MARCHF11: variants seen among roughly 807,000 people sequenced by gnomAD.
MARCHF11 encodes membrane associated ring-CH-type finger 11, also known as E3 ubiquitin-protein ligase MARCHF11.
A neutral mutation model predicts 37.3 loss-of-function variants in MARCHF11; 29 were observed. The ratio of observed to expected loss-of-function variants is 0.78; its 90% confidence interval spans 0.58 to 1.06. The LOEUF (loss-of-function observed/expected upper bound fraction) is 1.06. MARCHF11 is among the 50% of genes least tolerant of loss of function. The probability of loss-of-function intolerance (pLI) is 0.00; values close to 1 mark genes in which losing one functional copy is unlikely to be tolerated. For missense variants in MARCHF11, 482 were observed against 533.4 expected, an observed-to-expected ratio of 0.90 and a Z score of 0.95; for synonymous variants, 233 against 228.0, an observed-to-expected ratio of 1.02 and a Z score of -0.20.
chr5:16,177,734 G>GC lies in MARCHF11; in HGVS notation c.684_685insG (p.Pro229AlafsTer13). 6.2e-7 allele frequency: 1 copy of GC among 1,601,832 alleles called. No individual in the cohort carries two copies. On this transcript the variant is annotated frameshift_variant, in exon 2 of 4. Coordinates refer to ENST00000332432, the MANE Select transcript of MARCHF11 (RefSeq NM_001102562.3). LOFTEE classifies it high-confidence loss of function. ...ATGTTGAAACTGCTTACCTGGCAAG[G>GC]TTGTTTCATTTTAATGGCTATAACA...
chr5:16,090,813 TC>T (rs1183388748), intron 3 of MARCHF11, 75 bp downstream of exon 3: 1 of 1,160,100 alleles, frequency 8.6e-7, no homozygotes, highest in East Asian at 2.7e-5. Flanking sequence ...CTCTATTAGA[TC>T]CGAATGGTGA....
intron 2 of MARCHF11, among the ~76,000 whole-genome samples, chr5:16,129,621 T>C (rs1000042274): frequency 6.6e-6 from 1 of 152,192 alleles, no homozygotes; most frequent in East Asian, 1.9e-4. Flanking sequence ...TTCAAACAAC[T>C]TGTTGGCTCA....
chr5:16,107,787 G>T (rs1351611312), intron 2 of MARCHF11, among the ~76,000 whole-genome samples: 1 of 152,016 alleles, frequency 6.6e-6, no homozygotes, highest in Non-Finnish European at 1.5e-5. Context: ...AGAATGGCGT[G>T]GCAGAGAAAC....
At chr5:16,155,289 C>T (rs779953959) in intron 2 of MARCHF11, among the ~76,000 whole-genome samples, 2 of 151,606 alleles carry the variant, frequency 1.3e-5, no homozygotes, top group African/African-American at 2.4e-5. Flanking sequence ...TTTTTCAAAC[C>T]TCTTAGAAGG....
intron 2 of MARCHF11, among the ~76,000 whole-genome samples, chr5:16,107,152 T>A (rs1050799093): frequency 6.6e-6 from 1 of 152,226 alleles, no homozygotes; most frequent in African/African-American, 2.4e-5. Flanking sequence ...AAAATGAAGA[T>A]GACAGTATCC....
chr5:16,099,035 T>C (rs954135812), intron 2 of MARCHF11, among the ~76,000 whole-genome samples: 1 of 152,168 alleles, frequency 6.6e-6, no homozygotes, highest in Non-Finnish European at 1.5e-5. Flanking sequence ...TTCTACTCTT[T>C]TGATGTACAC....
In MARCHF11 at chr5:16,163,446, A is replaced by C. The variant is rs1444590878; in HGVS notation, c.693+14280T>G. On this transcript the variant is annotated intron_variant, in intron 2 of 3. Coordinates refer to ENST00000332432, the MANE Select transcript of MARCHF11 (RefSeq NM_001102562.3). ...AATCTTAGACTGTGCTAAATTGATA[A>C]CATCACAATCAGAAAGCAATTCCTA... 4.6e-5 allele frequency among the ~76,000 whole-genome samples: 7 copies of C among 152,196 alleles called. No individual in the cohort carries two copies. The South Asian group carries it at 1.0e-3, about 23-fold the overall frequency.
At chr5:16,158,950 G>T (rs1445894623) in intron 2 of MARCHF11, among the ~76,000 whole-genome samples, 1 of 151,816 alleles carries the variant, frequency 6.6e-6, no homozygotes, top group Non-Finnish European at 1.5e-5. Flanking sequence ...GAAAATTGCT[G>T]AGAGTAGATT....
chr5:16,090,225 A>G (rs1736769419), intron 3 of MARCHF11, among the ~76,000 whole-genome samples: 1 of 152,220 alleles, frequency 6.6e-6, no homozygotes, highest in Non-Finnish European at 1.5e-5. Flanking sequence ...TAAATGCTGC[A>G]TGATTGGCTT....
At chr5:16,145,729 A>G (rs1045542790) in intron 2 of MARCHF11, among the ~76,000 whole-genome samples, 11 of 147,318 alleles carry the variant, frequency 7.5e-5, no homozygotes, top group African/African-American at 2.7e-4. Flanking sequence ...TCATTCCAGT[A>G]CAAGATTTTA....
intron 2 of MARCHF11, among the ~76,000 whole-genome samples, chr5:16,114,435 G>T (rs2126572580): frequency 6.6e-6 from 1 of 152,250 alleles, no homozygotes; most frequent in East Asian, 1.9e-4. Context: ...TGAAATTTTT[G>T]AGTTTCATTT....
intron 2 of MARCHF11, among the ~76,000 whole-genome samples, chr5:16,098,632 G>A (rs1736908305): frequency 6.6e-6 from 1 of 151,986 alleles, no homozygotes; most frequent in African/African-American, 2.4e-5. Context: ...GCCAGGTGTG[G>A]TGGCAGTCTC....
chr5:16,111,700 C>G (rs139538898), intron 2 of MARCHF11, among the ~76,000 whole-genome samples: 2 of 152,254 alleles, frequency 1.3e-5, no homozygotes, highest in East Asian at 1.9e-4. Context: ...TAACGAGGAG[C>G]CAAATGTTAA....
chr5:16,135,704 A>G (rs1737599122), intron 2 of MARCHF11, among the ~76,000 whole-genome samples: 1 of 152,198 alleles, frequency 6.6e-6, no homozygotes, highest in Non-Finnish European at 1.5e-5. Flanking sequence ...CTGAGAAAAT[A>G]CCAAAAAGTA....
chr5:16,071,722 TACAA>T (rs956710247), intron 3 of MARCHF11, among the ~76,000 whole-genome samples: 12 of 152,172 alleles, frequency 7.9e-5, no homozygotes, highest in African/African-American at 2.7e-4. Context: ...TATGATCAAA[TACAA>T]ACAAATTTTA....
intron 2 of MARCHF11, 91 bp from the exon 3 acceptor site, chr5:16,091,172 T>C: frequency 2.0e-6 from 2 of 1,009,176 alleles, no homozygotes. Context: ...CTTTTCATAA[T>C]GTTAGACCCT....
intron 2 of MARCHF11, among the ~76,000 whole-genome samples, chr5:16,131,927 T>C (rs1396925861): frequency 2.0e-5 from 3 of 152,216 alleles, no homozygotes. Context: ...GCAGGTGCTC[T>C]GTGGTAAAGT....
At chr5:16,079,364 C>T (rs905475342) in intron 3 of MARCHF11, among the ~76,000 whole-genome samples, 1 of 152,236 alleles carries the variant, frequency 6.6e-6, no homozygotes. Flanking sequence ...GCACCACCTT[C>T]TTTCTGGCTT....
intron 2 of MARCHF11, among the ~76,000 whole-genome samples, chr5:16,126,397 G>A (rs192868563): frequency 6.6e-6 from 1 of 152,312 alleles, no homozygotes; most frequent in East Asian, 1.9e-4. Flanking sequence ...AATGTTGGCA[G>A]ATAAACTAAT....
Sources: allele counts gnomAD v4.1 joint callset (sites outside exome capture counted in the v4.1 genomes callset), GRCh38; gene constraint gnomAD v4.1.1; transcripts MANE v1.5; gene names NCBI Gene and HGNC (gene_info 2026-07-23, HGNC 2026-07-21).